PGBD1: variants seen among roughly 807,000 people sequenced by gnomAD.
The protein encoded by PGBD1 is piggyBac transposable element-derived protein 1.
PGBD1 carries 25 observed loss-of-function variants against 34.7 expected under a neutral mutation model. The observed-to-expected ratio is 0.72, with a 90% CI of 0.52 to 1.00. The LOEUF (loss-of-function observed/expected upper bound fraction) is 1.00, where lower values mean the gene tolerates loss of function less well. Among genes scored for constraint, PGBD1 ranks in the 50% least tolerant of loss-of-function variants. PGBD1 has a pLI of 0.00. For missense variants in PGBD1, 830 were observed against 959.4 expected, an observed-to-expected ratio of 0.87 and a Z score of 1.78; for synonymous variants, 292 against 335.7, an observed-to-expected ratio of 0.87 and a Z score of 1.42.
intron 4 of PGBD1, among the ~76,000 whole-genome samples, chr6:28,292,068 A>C (rs1289939573): frequency 6.6e-6 from 1 of 152,214 alleles, no homozygotes; most frequent in Admixed American, 6.5e-5. Flanking sequence ...TAATACCCGA[A>C]GTCCTGGCCA....
chr6:28,293,578 A>G (rs1479132384), intron 4 of PGBD1, among the ~76,000 whole-genome samples: 1 of 152,162 alleles, frequency 6.6e-6, no homozygotes, highest in African/African-American at 2.4e-5. Flanking sequence ...ACATTTTGGT[A>G]ATTCTTAAAT....
At chr6:28,294,921 T>G (rs1150716) in intron 4 of PGBD1, among the ~76,000 whole-genome samples, 81,118 of 152,046 alleles carry the variant, frequency 0.53, 25,392 homozygotes, top group African/African-American at 0.87. Context: ...AATACATTTT[T>G]TAAGGCTATA....
At chr6:28,292,498 A>G (rs758896651) in intron 4 of PGBD1, among the ~76,000 whole-genome samples, 2 of 152,068 alleles carry the variant, frequency 1.3e-5, no homozygotes, top group Non-Finnish European at 2.9e-5. Flanking sequence ...AGACCTGTAT[A>G]AGGAAAACTA....
intron 4 of PGBD1, 124 bp downstream of exon 4, chr6:28,287,292 C>A: frequency 5.2e-6 from 4 of 772,666 alleles, no homozygotes; most frequent in Non-Finnish European, 9.1e-6. Flanking sequence ...CATAGTCCCT[C>A]TGCCTTCACC....
chr6:28,301,391 C>T lies in PGBD1; in HGVS notation c.1537C>T (p.Leu513=), dbSNP rs1762835367. 2 of 1,613,974 alleles carry T rather than the reference C, an allele frequency of 1.2e-6. No homozygotes were observed. Among genetic ancestry groups the T allele is most frequent in the Non-Finnish European group, 1.7e-6 (2 of 1,179,990 alleles). Residue 513 remains leucine (L), a synonymous_variant, in exon 7 of 7, where the codon CTA becomes TTA. Coordinates refer to ENST00000682144, the MANE Select transcript of PGBD1 (RefSeq NM_032507.4). ...CCTGCACTTTGCAGATAATGGCCACCTAGATCAAAAAGATAAGTTTACAAA... is the reference window on the plus strand; with the variant it reads ...CCTGCACTTTGCAGATAATGGCCACTTAGATCAAAAAGATAAGTTTACAAA... ...SNLHFADNGH[L]DQKDKFTKLR...
At chr6:28,294,025 A>C (rs1251579332) in intron 4 of PGBD1, among the ~76,000 whole-genome samples, 2 of 152,256 alleles carry the variant, frequency 1.3e-5, no homozygotes, top group Non-Finnish European at 2.9e-5. Context: ...TGTGCCAAAC[A>C]GGCAGGTGGT....
rs376942756 is a variant in PGBD1, at chr6:28,301,060, G to C, written c.1206G>C (p.Trp402Cys). Reference sequence around the variant, plus strand: ...ACATTAAACCCAATTTTCCAAGCTGGTCAGCACTGGATTCTGGACTTTTGA... The same window carrying C: ...ACATTAAACCCAATTTTCCAAGCTGCTCAGCACTGGATTCTGGACTTTTGA... ...KRDIKPNFPS[W>C]SALDSGLLNL... is the part of the protein sequence containing the mutation. The change falls in exon 7 of 7, where the codon TGG (tryptophan) becomes TGC (cysteine). Residue 402 changes from tryptophan to cysteine, a missense_variant. Trp to Cys is a radical substitution (Grantham distance 215). This residue lies in a region of PGBD1 where 457 missense variants were observed against 515.4 expected (regional missense o/e 0.89). Coordinates refer to ENST00000682144, the MANE Select transcript of PGBD1 (RefSeq NM_032507.4). 1.9e-6 allele frequency: 3 copies of C among 1,614,060 alleles called. No individual in the cohort carries two copies. Among genetic ancestry groups the C allele is most frequent in the Middle Eastern group, 3.3e-4 (2 of 6,084 alleles).
chr6:28,302,103 G>A lies in PGBD1; in HGVS notation c.2249G>A (p.Arg750Lys). The change falls in exon 7 of 7, where the codon AGG becomes AAG. Residue 750 changes from arginine (R) to lysine (K), a missense_variant. Around this residue, in one of 3 missense-constraint regions of PGBD1, gnomAD observed 372 missense variants for 427.9 expected, o/e 0.87. Coordinates refer to ENST00000682144, the MANE Select transcript of PGBD1 (RefSeq NM_032507.4). ...ATGGATCAAATTATTTCGAAATACA[G>A]GGTGAGGATAAGAAGCAAGAAATGG... ...AKMDQIISKY[R>K]VRIRSKKWYS... The A allele has an allele frequency of 6.2e-7, 1 of 1,614,132 alleles. No individual in the cohort carries two copies. Among genetic ancestry groups the A allele is most frequent in the Non-Finnish European group, 8.5e-7 (1 of 1,179,998 alleles).
At chr6:28,297,845 T>TTTTTTTAAAAAAAAAAAA in intron 5 of PGBD1, 50 bp from the exon 6 acceptor site, 1 of 283,634 alleles carries the variant, frequency 3.5e-6, no homozygotes, top group African/African-American at 3.5e-5. Context: ...TTTTTTTTTT[T>TTTTTTTAAAAAAAAAAAA]CAAAATTCAC....
rs1581624655 is a variant in PGBD1 at position 28,281,597 on chromosome 6, C to A, written c.-360C>A. ...GTACCCGCCCAGCTGCTGGAGGCGC[C>A]GGCAGCGCCCGCCAGACCCGCCAGC... On this transcript the variant is annotated 5_prime_UTR_variant, in exon 1 of 7. Coordinates refer to ENST00000682144, the MANE Select transcript of PGBD1 (RefSeq NM_032507.4). 5.2e-6 allele frequency: 2 copies of A among 384,876 alleles called. No homozygotes were observed. The highest frequency in any genetic ancestry group is 2.1e-5 in the African/African-American group (1 of 48,168). 23.8% of individuals were successfully genotyped at this position (384,876 alleles called of 1,614,324 possible). A position where few individuals can be genotyped will look rare whatever the true frequency, so the allele number is the denominator to read the frequency against.
chr6:28,286,142 G>GT (rs1041707552), intron 3 of PGBD1, among the ~76,000 whole-genome samples: 2 of 152,236 alleles, frequency 1.3e-5, no homozygotes, highest in East Asian at 1.9e-4. Flanking sequence ...GGGCAAGGCT[G>GT]TTTTTTTCCA....
At chr6:28,289,600 T>C (rs13211507) in intron 4 of PGBD1, among the ~76,000 whole-genome samples, 9,441 of 152,264 alleles carry the variant, frequency 0.062, 374 homozygotes, top group Non-Finnish European at 0.088. Flanking sequence ...AAGACATACC[T>C]ATCAAAAACA....
At chr6:28,287,284 T>G in intron 4 of PGBD1, 116 bp downstream of exon 4, 1 of 849,956 alleles carries the variant, frequency 1.2e-6, no homozygotes, top group Non-Finnish European at 2.0e-6. Context: ...TCAGGTGGCA[T>G]AGTCCCTCTG....
chr6:28,301,115 G>C lies in PGBD1; in HGVS notation c.1261G>C (p.Glu421Gln). The C allele has an allele frequency of 6.2e-7, 1 of 1,614,170 alleles. No individual in the cohort carries two copies. Among genetic ancestry groups the C allele is most frequent in the Non-Finnish European group, 8.5e-7 (1 of 1,180,030 alleles). The change falls in exon 7 of 7, where the codon GAG (glutamate) becomes CAG (glutamine). Residue 421 changes from glutamate (E) to glutamine (Q), a missense_variant. Physicochemically the swap from Glu to Gln is conservative, Grantham distance 29. Coordinates refer to ENST00000682144, the MANE Select transcript of PGBD1 (RefSeq NM_032507.4). ...NLKSEKLNPVELFELFFDDET... is the reference protein window; with the variant it reads ...NLKSEKLNPVQLFELFFDDET... ...CAAGAGCGAAAAGTTGAACCCAGTA[G>C]AGCTTTTTGAATTATTTTTTGATGA...
In PGBD1 at chr6:28,301,912, G is replaced by A. The variant is rs780372285; in HGVS notation, c.2058G>A (p.Leu686=). 6.2e-6 allele frequency: 10 copies of A among 1,614,008 alleles called. No homozygotes were observed. In the Admixed American group the frequency reaches 1.3e-4, roughly 22 times the overall value. ...TAGAAGAAAACAATGAGATAATTTT[G>A]TGTCGTTGGTATGGGGATGGCATTA... ...FRIEENNEII[L]CRWYGDGIIS... is the part of the protein sequence containing the mutation. Residue 686 remains leucine, a synonymous_variant, in exon 7 of 7, where the codon TTG becomes TTA. Transcript: ENST00000682144.
At chr6:28,285,854 G>T in intron 3 of PGBD1, 147 bp downstream of exon 3, 1 of 805,210 alleles carries the variant, frequency 1.2e-6, no homozygotes. Flanking sequence ...TGTGTCTGTG[G>T]TAAGAATTCC....
At chr6:28,287,202 G>A (rs769490742) in intron 4 of PGBD1, 34 bp downstream of exon 4, 31 of 1,521,416 alleles carry the variant, frequency 2.0e-5, no homozygotes, top group Non-Finnish European at 2.6e-5. Context: ...AGGAATATCA[G>A]TAGTGGTCTT....
In PGBD1 at chr6:28,301,162, C is replaced by A; in HGVS notation, c.1308C>A (p.Val436=). ...FFDDETFNLI[V]NETNNYASQK... is the part of the protein sequence containing the mutation. ...ATGATGAAACATTCAACTTAATTGTCAATGAAACCAATAATTATGCTTCTC... is the reference window on the plus strand; with the variant it reads ...ATGATGAAACATTCAACTTAATTGTAAATGAAACCAATAATTATGCTTCTC... Residue 436 remains valine (V), a synonymous_variant, in exon 7 of 7, where the codon GTC becomes GTA. Coordinates refer to ENST00000682144, the MANE Select transcript of PGBD1 (RefSeq NM_032507.4). 6.2e-7 allele frequency: 1 copy of A among 1,614,048 alleles called. No homozygotes were observed. The highest frequency in any genetic ancestry group is 1.1e-5 in the South Asian group (1 of 91,052).
At chr6:28,297,058 C>T (rs1022500196) in intron 5 of PGBD1, 113 bp downstream of exon 5, 17 of 1,220,094 alleles carry the variant, frequency 1.4e-5, no homozygotes, top group Non-Finnish European at 1.9e-5. Flanking sequence ...CTTCCTTTCC[C>T]TTCTTCTGGC....
Sources: allele counts gnomAD v4.1 joint callset (sites outside exome capture counted in the v4.1 genomes callset), GRCh38; gene constraint gnomAD v4.1.1; regional missense constraint gnomAD v4.1.1; transcripts MANE v1.5; gene names NCBI Gene and HGNC (gene_info 2026-07-23, HGNC 2026-07-21).